FRMPD4: variants seen among roughly 807,000 people sequenced by gnomAD.
The protein encoded by FRMPD4 is FERM and PDZ domain-containing protein 4.
A neutral mutation model predicts 94.1 loss-of-function variants in FRMPD4; 22 were observed. The ratio of observed to expected loss-of-function variants is 0.23; its 90% CI spans 0.17 to 0.33. The LOEUF (loss-of-function observed/expected upper bound fraction) is 0.33, where lower values mean the gene tolerates loss of function less well. Among genes scored for constraint, FRMPD4 ranks in the 10% least tolerant of loss-of-function variants. FRMPD4 has a pLI of 1.00. For missense variants in FRMPD4, 1,111 were observed against 1,339.9 expected (o/e 0.83, Z 2.67); for synonymous variants, 631 against 548.6 (o/e 1.15, Z -2.10).
intron 2 of FRMPD4, among the ~76,000 whole-genome samples, chrX:12,563,130 T>C (rs1444206417): frequency 8.9e-6 from 1 of 111,905 alleles, no homozygotes; most frequent in Non-Finnish European, 1.9e-5. Flanking sequence ...CCTGATTTCC[T>C]TGGAGCATGG....
chrX:12,002,544 AC>A (rs1251818241), intron 3 of FRMPD4, among the ~76,000 whole-genome samples: 4 of 112,215 alleles, frequency 3.6e-5, no homozygotes, highest in Non-Finnish European at 7.5e-5. Flanking sequence ...CAATTTTTAA[AC>A]CCAGAATCTT....
chrX:12,231,018 A>ATAGTAT (rs60562591), intron 1 of FRMPD4, among the ~76,000 whole-genome samples: 614 of 45,888 alleles, frequency 0.013, 22 homozygotes, highest in African/African-American at 0.028. Flanking sequence ...TAGTATATAT[A>ATAGTAT]GTATATATAT....
intron 2 of FRMPD4, among the ~76,000 whole-genome samples, chrX:12,607,408 C>T (rs778791820): frequency 8.9e-6 from 1 of 111,933 alleles, no homozygotes; most frequent in Admixed American, 9.4e-5. Flanking sequence ...TAGCACAATA[C>T]TGGGGCCAGC....
At chrX:12,546,639 A>C (rs1053186507) in intron 2 of FRMPD4, among the ~76,000 whole-genome samples, 2 of 112,069 alleles carry the variant, frequency 1.8e-5, no homozygotes, top group Admixed American at 1.9e-4. Context: ...AGGCCAACCT[A>C]TAAGAGGTAC....
In FRMPD4 at chrX:12,377,127, G is replaced by A. The variant is rs192787064; in HGVS notation, c.42-121553G>A. ...CCTTCCCAGGCCACACTGAGATTCT[G>A]CCCTGCATATCTAAACACGAAAGCA... On this transcript the variant is annotated intron_variant, in intron 1 of 16. Coordinates refer to ENST00000675598, the MANE Select transcript of FRMPD4 (RefSeq NM_001368397.1). 5.4e-5 allele frequency among the ~76,000 whole-genome samples: 6 copies of A among 112,102 alleles called. No homozygotes were observed. In the East Asian group the frequency reaches 1.7e-3, roughly 31 times the overall value.
chrX:12,361,464 C>T (rs2055987964), intron 1 of FRMPD4, among the ~76,000 whole-genome samples: 1 of 112,088 alleles, frequency 8.9e-6, no homozygotes, highest in African/African-American at 3.2e-5. Context: ...TGCTTTAATG[C>T]AGAAGAGCAG....
intron 3 of FRMPD4, among the ~76,000 whole-genome samples, chrX:12,069,208 C>T: frequency 9.0e-6 from 1 of 111,608 alleles, no homozygotes; most frequent in South Asian, 3.8e-4. Context: ...TAAAGAGATG[C>T]TTGTGGAGAT....
At chrX:12,565,229 A>T (rs1168737816) in intron 2 of FRMPD4, among the ~76,000 whole-genome samples, 1 of 112,011 alleles carries the variant, frequency 8.9e-6, no homozygotes, top group Non-Finnish European at 1.9e-5. Flanking sequence ...AATTCCAAAT[A>T]ATTTATGTGG....
intron 1 of FRMPD4, among the ~76,000 whole-genome samples, chrX:12,402,790 T>C (rs1478658220): frequency 2.7e-5 from 3 of 111,854 alleles, no homozygotes; most frequent in Non-Finnish European, 5.7e-5. Context: ...CTTCTCTGCC[T>C]TATGCCATGT....
chrX:12,327,056 T>C (rs1187886897), intron 1 of FRMPD4, among the ~76,000 whole-genome samples: 3 of 111,866 alleles, frequency 2.7e-5, no homozygotes, highest in African/African-American at 9.8e-5. Context: ...CTCCATCAGC[T>C]CTTCATCATC....
At chrX:12,076,543 TAA>T (rs2055019624) in intron 3 of FRMPD4, among the ~76,000 whole-genome samples, 1 of 110,917 alleles carries the variant, frequency 9.0e-6, no homozygotes, top group African/African-American at 3.3e-5. Context: ...CCTGGCAGCT[TAA>T]GAGTCCTAGT....
At chrX:12,025,105 T>C (rs1332255575) in intron 3 of FRMPD4, among the ~76,000 whole-genome samples, 1 of 111,093 alleles carries the variant, frequency 9.0e-6, no homozygotes, top group Non-Finnish European at 1.9e-5. Flanking sequence ...CCCCTTCTCC[T>C]CTGGCTACTT....
chrX:12,121,002 T>C (rs2147535401), intron 3 of FRMPD4, among the ~76,000 whole-genome samples: 1 of 108,921 alleles, frequency 9.2e-6, no homozygotes, highest in South Asian at 3.8e-4. Context: ...ATAATACTAA[T>C]TTTTATAATA....
At chrX:12,557,878 G>T (rs1408901792) in intron 2 of FRMPD4, among the ~76,000 whole-genome samples, 3 of 111,402 alleles carry the variant, frequency 2.7e-5, no homozygotes, top group African/African-American at 9.8e-5. Flanking sequence ...GCAACAAATT[G>T]GAAGCCTTCT....
rs139957487 is a variant in FRMPD4, at chrX:11,825,836, G to C, written c.-161+3121G>C. On this transcript the variant is annotated intron_variant, in intron 1 of 18. Coordinates refer to the FRMPD4 transcript ENST00000640291. ...ACAGAGCTCTGTATTATTTTTGCAA[G>C]TTCTTGTGAGTCTTAAACTATTTCA... is the stretch of plus-strand genomic sequence containing the variant. 4.2e-3 allele frequency among the ~76,000 whole-genome samples: 468 copies of C among 112,225 alleles called. 2 individuals are homozygous for C. The highest frequency in any genetic ancestry group is 0.014 in the African/African-American group (439 of 30,943).
At chrX:12,068,950 A>G (rs943112681) in intron 3 of FRMPD4, among the ~76,000 whole-genome samples, 3 of 112,256 alleles carry the variant, frequency 2.7e-5, no homozygotes, top group African/African-American at 9.7e-5. Context: ...CTGACAATAA[A>G]CAAATAGACA....
At chrX:12,332,570 C>T (rs1160039421) in intron 1 of FRMPD4, among the ~76,000 whole-genome samples, 3 of 110,347 alleles carry the variant, frequency 2.7e-5, no homozygotes, top group Non-Finnish European at 3.8e-5. Flanking sequence ...GTCGTTTTAA[C>T]GTTTATGTCC....
chrX:12,400,151 G>A (rs962965085), intron 1 of FRMPD4, among the ~76,000 whole-genome samples: 4 of 112,098 alleles, frequency 3.6e-5, no homozygotes, highest in African/African-American at 1.3e-4. Context: ...TTCTTAAGAG[G>A]GCTACATAGC....
rs545213643 is a variant in FRMPD4 at position 12,304,072 on chromosome X, C to T, written c.41+165060C>T. Among the ~76,000 whole-genome samples the T allele has an allele frequency of 2.4e-4, 27 of 111,877 alleles. 1 individual carries two copies. The South Asian group carries it at 0.01, about 42-fold the overall frequency. On this transcript the variant is annotated intron_variant, in intron 1 of 16. Transcript: ENST00000675598. The stretch of plus-strand genomic sequence containing the variant: ...GAGAGAAAACTCACTTCACCTCCAA[C>T]TAGGAGGTTTTCCTCGGAATATGAC...
Sources: allele counts gnomAD v4.1 joint callset (sites outside exome capture counted in the v4.1 genomes callset), GRCh38; gene constraint gnomAD v4.1.1; transcripts MANE v1.5; gene names NCBI Gene and HGNC (gene_info 2026-07-23, HGNC 2026-07-21).